The following GRIA1 variants were observed in gnomAD, a reference collection of about 807,000 sequenced individuals.
GRIA1 encodes the protein glutamate receptor 1.
GRIA1 carries 31 observed loss-of-function variants against 99.2 expected under a neutral mutation model. The ratio of observed to expected loss-of-function variants is 0.31; its 90% CI spans 0.23 to 0.42. GRIA1 has a LOEUF of 0.42. GRIA1 is among the 10% of genes least tolerant of loss of function. The pLI, the probability that GRIA1 is intolerant of heterozygous loss-of-function variation, is 1.00. For missense variants in GRIA1, 782 were observed against 1,157.5 expected (o/e 0.68, Z 4.71); for synonymous variants, 438 against 432.4 (o/e 1.01, Z -0.16).
chr5:153,680,168 C>T (rs1356624691), intron 7 of GRIA1, among the ~76,000 whole-genome samples: 1 of 152,148 alleles, frequency 6.6e-6, no homozygotes, highest in Non-Finnish European at 1.5e-5. Flanking sequence ...ACAGGGAAGA[C>T]ACAAGAGCTA....
intron 11 of GRIA1, among the ~76,000 whole-genome samples, chr5:153,741,526 T>C (rs1761785962): frequency 6.6e-6 from 1 of 152,118 alleles, no homozygotes; most frequent in African/African-American, 2.4e-5. Context: ...GACAGATGAA[T>C]AGATAAAGAA....
chr5:153,539,214 G>A (rs1340743912), intron 2 of GRIA1, among the ~76,000 whole-genome samples: 3 of 151,990 alleles, frequency 2.0e-5, no homozygotes, highest in Non-Finnish European at 4.4e-5. Flanking sequence ...ATCAACTATT[G>A]CAAATAGAAA....
At chr5:153,783,406 C>A (rs566432802) in intron 13 of GRIA1, among the ~76,000 whole-genome samples, 2 of 152,316 alleles carry the variant, frequency 1.3e-5, no homozygotes, top group South Asian at 4.1e-4. Context: ...ATTACAGGAC[C>A]AGATGTGGTT....
intron 2 of GRIA1, among the ~76,000 whole-genome samples, chr5:153,502,342 T>C (rs1458080558): frequency 2.0e-5 from 3 of 152,216 alleles, no homozygotes; most frequent in Admixed American, 2.0e-4. Context: ...GTGACAAGAA[T>C]AAGCCTGAAT....
At chr5:153,620,644 A>G (rs1053868701) in intron 2 of GRIA1, among the ~76,000 whole-genome samples, 14 of 152,208 alleles carry the variant, frequency 9.2e-5, no homozygotes, top group African/African-American at 3.1e-4. Flanking sequence ...TTTAAATATT[A>G]GACTAAAAAC....
chr5:153,692,436 A>T (rs1241718585), intron 8 of GRIA1, among the ~76,000 whole-genome samples: 1 of 152,194 alleles, frequency 6.6e-6, no homozygotes, highest in Admixed American at 6.5e-5. Flanking sequence ...AAATCAAAAG[A>T]AGACCATTTT....
chr5:153,513,228 C>T (rs1267236419), intron 2 of GRIA1, among the ~76,000 whole-genome samples: 1 of 152,068 alleles, frequency 6.6e-6, no homozygotes, highest in Non-Finnish European at 1.5e-5. Flanking sequence ...AGCAGAAGGG[C>T]AGAAAGGAGT....
At chr5:153,571,283 G>A (rs923786218) in intron 2 of GRIA1, among the ~76,000 whole-genome samples, 1 of 152,160 alleles carries the variant, frequency 6.6e-6, no homozygotes, top group East Asian at 1.9e-4. Context: ...TGTCCATGAT[G>A]GGGACATGTA....
chr5:153,762,686 G>A (rs1763263642), intron 11 of GRIA1, among the ~76,000 whole-genome samples: 1 of 152,118 alleles, frequency 6.6e-6, no homozygotes, highest in Non-Finnish European at 1.5e-5. Flanking sequence ...CCTCCTTAGA[G>A]TTGCATTCCC....
chr5:153,769,506 G>A (rs1447861896), intron 12 of GRIA1, among the ~76,000 whole-genome samples: 1 of 152,048 alleles, frequency 6.6e-6, no homozygotes, highest in African/African-American at 2.4e-5. Flanking sequence ...TCCTGAAGGG[G>A]AGAAGGCCCA....
At chr5:153,723,072 T>G (rs573936853) in intron 11 of GRIA1, among the ~76,000 whole-genome samples, 5 of 152,294 alleles carry the variant, frequency 3.3e-5, no homozygotes, top group Admixed American at 2.6e-4. Context: ...ATTAATTATC[T>G]TTCATTTAAA....
intron 11 of GRIA1, among the ~76,000 whole-genome samples, chr5:153,736,421 A>G (rs1761382373): frequency 6.6e-6 from 1 of 152,214 alleles, no homozygotes; most frequent in Non-Finnish European, 1.5e-5. Flanking sequence ...TAAAATTCAC[A>G]TAGAATGAAG....
In GRIA1 at chr5:153,674,899, C is replaced by A. The variant is rs372643725; in HGVS notation, c.861+238C>A. ...CCTGTGAACAAAACTTAGGAGTCAG[C>A]AGTCCCAGACTTGTAAAATGGCTCC... On this transcript the variant is annotated intron_variant, in intron 6 of 15. Transcript: ENST00000285900. 5.9e-5 allele frequency among the ~76,000 whole-genome samples: 9 copies of A among 152,302 alleles called. 2 individuals are homozygous for A. The highest frequency in any genetic ancestry group is 2.2e-4 in the African/African-American group (9 of 41,550).
chr5:153,603,175 TG>T (rs1765143034), intron 2 of GRIA1, among the ~76,000 whole-genome samples: 1 of 152,156 alleles, frequency 6.6e-6, no homozygotes, highest in Non-Finnish European at 1.5e-5. Flanking sequence ...ATGCAGTGTT[TG>T]GTTTTTTGTC....
chr5:153,606,119 G>A (rs904795998), intron 2 of GRIA1, among the ~76,000 whole-genome samples: 3 of 152,014 alleles, frequency 2.0e-5, no homozygotes, highest in African/African-American at 4.8e-5. Context: ...TTTATTTAGG[G>A]TATAGTATAG....
At chr5:153,733,548 A>G (rs1761182996) in intron 11 of GRIA1, among the ~76,000 whole-genome samples, 1 of 152,202 alleles carries the variant, frequency 6.6e-6, no homozygotes, top group Non-Finnish European at 1.5e-5. Flanking sequence ...TAAATTATCC[A>G]ATAAAAAGAT....
At chr5:153,765,104 T>TA (rs1339692264) in intron 12 of GRIA1, among the ~76,000 whole-genome samples, 1 of 152,056 alleles carries the variant, frequency 6.6e-6, no homozygotes, top group African/African-American at 2.4e-5. Context: ...AAAGGTGATC[T>TA]ATTAAATGGT....
rs141708523 is a variant in GRIA1 at position 153,672,282 on chromosome 5, T to C, written c.700-2218T>C. 6.1e-3 allele frequency among the ~76,000 whole-genome samples: 923 copies of C among 152,338 alleles called. 5 individuals carry two copies. Among genetic ancestry groups the C allele is most frequent in the Non-Finnish European group, 9.8e-3 (667 of 68,024 alleles). On this transcript the variant is annotated intron_variant, in intron 5 of 15. Transcript: ENST00000285900. ...TTCTGGGCATATTAACTCCTTAACA[T>C]GTCTAACTTAGCCTGCAGGTAGGCG...
At chr5:153,670,529 G>C (rs1337315669) in intron 5 of GRIA1, among the ~76,000 whole-genome samples, 1 of 152,062 alleles carries the variant, frequency 6.6e-6, no homozygotes, top group African/African-American at 2.4e-5. Context: ...GTGGCTCAAA[G>C]AGAGTAGTAA....
Sources: allele counts gnomAD v4.1 joint callset (sites outside exome capture counted in the v4.1 genomes callset), GRCh38; gene constraint gnomAD v4.1.1; transcripts MANE v1.5; gene names NCBI Gene and HGNC (gene_info 2026-07-23, HGNC 2026-07-21).